Variants in NLRP14 observed in about 807,000 individuals in gnomAD.
NLRP14 encodes NACHT, LRR and PYD domains-containing protein 14.
In NLRP14, 105 loss-of-function variants were observed where a neutral mutation model predicts 94.7. That is an observed-to-expected ratio of 1.11 (90% CI 0.95 to 1.30). The LOEUF is 1.30. NLRP14 is among the 50% of genes most tolerant of loss of function. NLRP14 has a pLI of 0.00. For synonymous variants in NLRP14, 508 were observed against 459.9 expected (o/e 1.10, Z -1.34); for missense variants, 1,362 against 1,254.1 (o/e 1.09, Z -1.30).
the NLRP14 span, among the ~76,000 whole-genome samples, chr11:7,085,020 A>G: frequency 6.6e-6 from 1 of 152,236 alleles, no homozygotes; most frequent in Non-Finnish European, 1.5e-5. Flanking sequence ...TTTCAATAAA[A>G]TTTAAACTGT....
intron 1 of NLRP14, among the ~76,000 whole-genome samples, chr11:7,037,425 A>T (rs973528250): frequency 6.6e-6 from 1 of 151,764 alleles, no homozygotes; most frequent in Non-Finnish European, 1.5e-5. Context: ...TTTTCCAATC[A>T]TATTAGCAAG....
chr11:7,044,023 A>T, intron 4 of NLRP14, 39 bp downstream of exon 4: 3 of 1,592,680 alleles, frequency 1.9e-6, no homozygotes, highest in Non-Finnish European at 1.7e-6. Flanking sequence ...GTGCCCTGTA[A>T]GGGAGAGACG....
the NLRP14 span, among the ~76,000 whole-genome samples, chr11:7,080,784 A>C: frequency 1.3e-5 from 2 of 152,260 alleles, no homozygotes; most frequent in Admixed American, 1.3e-4. Context: ...GGAAAGAAAC[A>C]CGAAACACGG....
chr11:7,032,290 C>A (rs1442639761), intron 1 of NLRP14, among the ~76,000 whole-genome samples: 5 of 152,164 alleles, frequency 3.3e-5, no homozygotes, highest in Admixed American at 2.6e-4. Context: ...TACCTGCCAA[C>A]TGTTTTGCTG....
downstream of NLRP14, among the ~76,000 whole-genome samples, chr11:7,073,706 A>T: frequency 6.6e-6 from 1 of 152,192 alleles, no homozygotes; most frequent in East Asian, 1.9e-4. Context: ...ATGTTTACCC[A>T]TTTATTATAA....
intron 6 of NLRP14, among the ~76,000 whole-genome samples, chr11:7,057,232 G>A (rs373785726): frequency 3.3e-5 from 5 of 151,754 alleles, no homozygotes; most frequent in East Asian, 3.9e-4. Flanking sequence ...GACTGGATTC[G>A]TCAGAAAACA....
chr11:7,052,164 T>G (rs1384704729), intron 6 of NLRP14, among the ~76,000 whole-genome samples: 1 of 152,206 alleles, frequency 6.6e-6, no homozygotes, highest in Non-Finnish European at 1.5e-5. Flanking sequence ...GGATCTCTTC[T>G]TAGTTTGCAT....
intron 1 of NLRP14, among the ~76,000 whole-genome samples, chr11:7,031,257 G>A (rs1361956059): frequency 6.6e-6 from 1 of 152,178 alleles, no homozygotes; most frequent in African/African-American, 2.4e-5. Context: ...CTCTGGATGC[G>A]TACTTTGTCC....
chr11:7,074,684 A>AT (rs1316886384), downstream of NLRP14, among the ~76,000 whole-genome samples: 1 of 152,242 alleles, frequency 6.6e-6, no homozygotes, highest in Non-Finnish European at 1.5e-5. Flanking sequence ...AAAATGAGTG[A>AT]TTGAGGCATA....
chr11:7,071,452 T>G lies in NLRP14; in HGVS notation c.*144T>G. 1.5e-6 allele frequency: 1 copy of G among 683,654 alleles called. No homozygotes were observed. 42.3% of individuals were successfully genotyped at this position (683,654 alleles called of 1,614,324 possible). A position where few individuals can be genotyped will look rare whatever the true frequency, so the allele number is the denominator to read the frequency against. On this transcript the variant is annotated 3_prime_UTR_variant, in exon 12 of 12. Transcript: ENST00000299481. Reference sequence around the variant, plus strand: ...AGCTGTCAGATACCATTCATCTACTTCTCTGTAAAATGTCTGTTCTACTTC... The same window carrying G: ...AGCTGTCAGATACCATTCATCTACTGCTCTGTAAAATGTCTGTTCTACTTC...
downstream of NLRP14, among the ~76,000 whole-genome samples, chr11:7,074,609 A>G (rs1006913852): frequency 2.6e-5 from 4 of 152,242 alleles, no homozygotes; most frequent in Non-Finnish European, 4.4e-5. Flanking sequence ...AGCATTATAG[A>G]GGAAGACAGC....
At chr11:7,066,713 A>AT (rs1360612904) in intron 10 of NLRP14, among the ~76,000 whole-genome samples, 1 of 152,048 alleles carries the variant, frequency 6.6e-6, no homozygotes, top group Non-Finnish European at 1.5e-5. Context: ...CCATTTGTCA[A>AT]TTTTGGGTTT....
chr11:7,055,439 C>A (rs988828959), intron 6 of NLRP14, among the ~76,000 whole-genome samples: 1 of 152,070 alleles, frequency 6.6e-6, no homozygotes, highest in Admixed American at 6.6e-5. Context: ...TTACGAAGTT[C>A]TTGAGCAACC....
At chr11:7,045,154 G>C (rs1442045234) in intron 4 of NLRP14, among the ~76,000 whole-genome samples, 1 of 152,134 alleles carries the variant, frequency 6.6e-6, no homozygotes, top group Non-Finnish European at 1.5e-5. Context: ...TCATTTATTT[G>C]CAAACTGTGG....
intron 1 of NLRP14, among the ~76,000 whole-genome samples, chr11:7,025,837 C>T (rs1469785381): frequency 6.6e-6 from 1 of 151,916 alleles, no homozygotes; most frequent in African/African-American, 2.4e-5. Context: ...AATTTGAGTA[C>T]TTGATTAAAA....
chr11:7,042,314 C>T (rs915568896), intron 3 of NLRP14, 74 bp from the exon 4 acceptor site: 5 of 1,224,548 alleles, frequency 4.1e-6, no homozygotes, highest in Non-Finnish European at 6.0e-6. Context: ...GTATTCTTGA[C>T]ATTACATTTC....
chr11:7,051,889 G>A (rs1852446370), intron 6 of NLRP14, among the ~76,000 whole-genome samples: 1 of 152,202 alleles, frequency 6.6e-6, no homozygotes, highest in African/African-American at 2.4e-5. Context: ...CCAAAGTGCT[G>A]GGATTACAGG....
At chr11:7,088,967 C>G in the NLRP14 span, 1 of 854,020 alleles carries the variant, frequency 1.2e-6, no homozygotes, top group South Asian at 1.7e-5. Flanking sequence ...CAGGGGCGCG[C>G]CCTGCAGCGG....
At chr11:7,079,913 A>T in the NLRP14 span, among the ~76,000 whole-genome samples, 12 of 152,124 alleles carry the variant, frequency 7.9e-5, no homozygotes, top group Non-Finnish European at 1.5e-4. Context: ...GCGGGAAGGC[A>T]GGAAGATCAG....
Sources: allele counts gnomAD v4.1 joint callset (sites outside exome capture counted in the v4.1 genomes callset), GRCh38; gene constraint gnomAD v4.1.1; transcripts MANE v1.5; gene names NCBI Gene and HGNC (gene_info 2026-07-23, HGNC 2026-07-21).